MGAT4C: variants seen among roughly 807,000 people sequenced by gnomAD.
MGAT4C encodes the protein MGAT4 family member C.
MGAT4C carries 19 observed loss-of-function variants against 40.1 expected under a neutral mutation model. The ratio of observed to expected loss-of-function variants is 0.47; its 90% confidence interval spans 0.33 to 0.70. The LOEUF (loss-of-function observed/expected upper bound fraction) is 0.70. MGAT4C is among the 30% of genes least tolerant of loss of function. The pLI is 0.02. For synonymous variants in MGAT4C, 181 were observed against 187.1 expected (o/e 0.97, Z 0.27); for missense variants, 491 against 563.2 (o/e 0.87, Z 1.30).
chr12:86,649,660 G>A (rs1963642579), intron 2 of MGAT4C, among the ~76,000 whole-genome samples: 1 of 151,736 alleles, frequency 6.6e-6, no homozygotes, highest in Non-Finnish European at 1.5e-5. Context: ...CCCTGGCCAA[G>A]AGCCAGATTG....
At chr12:86,038,337 T>C (rs10863150) in intron 2 of MGAT4C, among the ~76,000 whole-genome samples, 58,613 of 148,678 alleles carry the variant, frequency 0.39, 14,359 homozygotes, top group African/African-American at 0.5. Context: ...GCAAGCCCTG[T>C]CTCAGCTTTT....
Position 86,504,830 on chromosome 12 carries a change from G to A in MGAT4C, c.-228-69565C>T, listed in dbSNP as rs188823546. 1.6e-3 allele frequency among the ~76,000 whole-genome samples: 239 copies of A among 152,180 alleles called. 1 individual carries two copies. Among genetic ancestry groups the A allele is most frequent in the African/African-American group, 5.5e-3 (230 of 41,524 alleles). On this transcript the variant is annotated intron_variant, in intron 2 of 7. Transcript: ENST00000548651. The stretch of plus-strand genomic sequence containing the variant: ...GCCTCCTGAGTAGCTGAGACTACAG[G>A]TGCTCATGTTGGTGCTCAATGTTGG...
intron 2 of MGAT4C, among the ~76,000 whole-genome samples, chr12:86,647,004 C>A (rs1314768625): frequency 6.6e-6 from 1 of 151,834 alleles, no homozygotes; most frequent in Non-Finnish European, 1.5e-5. Flanking sequence ...CAGTGCTTGG[C>A]CAGTCTTGCT....
chr12:86,444,462 C>A (rs1465467963), intron 2 of MGAT4C, among the ~76,000 whole-genome samples: 1 of 152,136 alleles, frequency 6.6e-6, no homozygotes, highest in Non-Finnish European at 1.5e-5. Context: ...TTTAGGTCTG[C>A]AACCTGACCT....
At chr12:86,084,112 G>A (rs1871316823) in intron 1 of MGAT4C, among the ~76,000 whole-genome samples, 1 of 152,010 alleles carries the variant, frequency 6.6e-6, no homozygotes, top group Non-Finnish European at 1.5e-5. Flanking sequence ...TAGGAACTGA[G>A]GATAGAAGAA....
intron 1 of MGAT4C, among the ~76,000 whole-genome samples, chr12:86,227,973 C>T (rs1227804909): frequency 1.3e-5 from 2 of 151,866 alleles, no homozygotes; most frequent in East Asian, 1.9e-4. Context: ...TCCTCATGTA[C>T]CTCTTTTTTC....
intron 3 of MGAT4C, among the ~76,000 whole-genome samples, chr12:85,987,577 C>A (rs1885397321): frequency 1.3e-5 from 2 of 152,160 alleles, no homozygotes. Context: ...TTCATTAAAT[C>A]ATATTATCTA....
chr12:86,582,595 C>A (rs1437234859), intron 2 of MGAT4C, among the ~76,000 whole-genome samples: 1 of 151,314 alleles, frequency 6.6e-6, no homozygotes, highest in Admixed American at 6.6e-5. Flanking sequence ...ATTTTACTTT[C>A]AGGTTATTGG....
intron 1 of MGAT4C, among the ~76,000 whole-genome samples, chr12:86,059,013 T>C (rs1335084255): frequency 2.0e-5 from 3 of 152,168 alleles, no homozygotes; most frequent in Non-Finnish European, 2.9e-5. Flanking sequence ...TCCATATCCC[T>C]GAAAGATCTA....
intron 2 of MGAT4C, among the ~76,000 whole-genome samples, chr12:86,700,174 CAGACAGATAGAT>C (rs1368302086): frequency 0.011 from 1,508 of 140,820 alleles, 10 homozygotes; most frequent in Non-Finnish European, 0.015. Context: ...GACAGACAGA[CAGACAGATAGAT>C]AGATAGATAG....
At chr12:86,421,865 GT>G (rs1175690356) in intron 3 of MGAT4C, among the ~76,000 whole-genome samples, 1 of 152,136 alleles carries the variant, frequency 6.6e-6, no homozygotes, top group Non-Finnish European at 1.5e-5. Context: ...GTTATATCTG[GT>G]ATATGATCAA....
chr12:86,635,277 C>A (rs1963184012), intron 2 of MGAT4C, among the ~76,000 whole-genome samples: 1 of 152,038 alleles, frequency 6.6e-6, no homozygotes, highest in East Asian at 1.9e-4. Flanking sequence ...GGTGAAGAAC[C>A]AGTCAGATTC....
intron 1 of MGAT4C, among the ~76,000 whole-genome samples, chr12:86,827,675 A>G (rs1440614394): frequency 5.3e-5 from 8 of 151,498 alleles, no homozygotes; most frequent in Admixed American, 6.6e-5. Context: ...AAATAGAAAG[A>G]AAGTGTTGTA....
intron 1 of MGAT4C, among the ~76,000 whole-genome samples, chr12:86,197,844 G>GTA (rs1271730094): frequency 5.9e-5 from 9 of 152,270 alleles, no homozygotes; most frequent in African/African-American, 2.2e-4. Flanking sequence ...CAATTCAAAT[G>GTA]TATAGTCTAA....
At chr12:86,051,331 A>AT (rs1268258721) in intron 1 of MGAT4C, among the ~76,000 whole-genome samples, 1 of 152,012 alleles carries the variant, frequency 6.6e-6, no homozygotes, top group East Asian at 1.9e-4. Flanking sequence ...TTTGTGAAAG[A>AT]CTGATGAACA....
chr12:86,490,480 T>C (rs1958111046), intron 2 of MGAT4C, among the ~76,000 whole-genome samples: 2 of 151,940 alleles, frequency 1.3e-5, no homozygotes, highest in Admixed American at 1.3e-4. Flanking sequence ...TGCCAAATTG[T>C]AAAGACCATC....
At chr12:86,771,458 G>A (rs924001558) in intron 1 of MGAT4C, among the ~76,000 whole-genome samples, 3 of 151,928 alleles carry the variant, frequency 2.0e-5, no homozygotes, top group Non-Finnish European at 4.4e-5. Flanking sequence ...TAGAAATATG[G>A]TCATTGAAGG....
At chr12:86,819,436 ATAATT>A (rs1338552155) in intron 1 of MGAT4C, among the ~76,000 whole-genome samples, 2 of 150,936 alleles carry the variant, frequency 1.3e-5, no homozygotes, top group Non-Finnish European at 3.0e-5. Context: ...CAAATTGTAC[ATAATT>A]TATTCTTTCT....
At chr12:86,167,476 A>G (rs959176577) in intron 1 of MGAT4C, among the ~76,000 whole-genome samples, 2 of 152,210 alleles carry the variant, frequency 1.3e-5, no homozygotes, top group African/African-American at 4.8e-5. Context: ...TTGTGCTGCT[A>G]TAACAGAATA....
Sources: allele counts gnomAD v4.1 joint callset (sites outside exome capture counted in the v4.1 genomes callset), GRCh38; gene constraint gnomAD v4.1.1; transcripts MANE v1.5; gene names NCBI Gene and HGNC (gene_info 2026-07-23, HGNC 2026-07-21).